Variants in TEX2 observed in about 807,000 individuals in gnomAD.
TEX2 encodes the protein testis expressed 2, also known as testis-expressed protein 2.
A neutral mutation model predicts 106.9 loss-of-function variants in TEX2; 53 were observed. The ratio of observed to expected loss-of-function variants is 0.50; its 90% CI spans 0.40 to 0.62. The LOEUF (loss-of-function observed/expected upper bound fraction) is 0.62, where lower values mean the gene tolerates loss of function less well. Ranked by LOEUF, TEX2 falls within the 20% of genes least tolerant of loss-of-function variation. The pLI is 0.00. For synonymous variants in TEX2, 523 were observed against 534.8 expected, an observed-to-expected ratio of 0.98 and a Z score of 0.30; for missense variants, 1,207 against 1,379.0, an observed-to-expected ratio of 0.88 and a Z score of 1.98.
At chr17:64,218,248 G>GA (rs1284034304) in intron 1 of TEX2, among the ~76,000 whole-genome samples, 6 of 146,306 alleles carry the variant, frequency 4.1e-5, no homozygotes, top group Admixed American at 6.8e-5. Flanking sequence ...TCTGACTCCA[G>GA]AAAAAAAAAA....
intron 1 of TEX2, among the ~76,000 whole-genome samples, chr17:64,229,116 T>C (rs1381091129): frequency 6.6e-6 from 1 of 152,194 alleles, no homozygotes; most frequent in African/African-American, 2.4e-5. Flanking sequence ...AAAAAGAAAG[T>C]CTATCTGTAG....
intron 1 of TEX2, among the ~76,000 whole-genome samples, chr17:64,250,279 T>A (rs377706308): frequency 2.0e-5 from 3 of 152,206 alleles, no homozygotes; most frequent in East Asian, 3.8e-4. Context: ...TTTCCATCAT[T>A]TTTATCAAAG....
At chr17:64,220,763 T>G (rs1417367644) in intron 1 of TEX2, among the ~76,000 whole-genome samples, 2 of 152,118 alleles carry the variant, frequency 1.3e-5, no homozygotes, top group Non-Finnish European at 2.9e-5. Context: ...GGAATATAAA[T>G]TAGTTCAACC....
At chr17:64,210,307 CAT>C (rs1362187022) in intron 2 of TEX2, among the ~76,000 whole-genome samples, 7 of 152,134 alleles carry the variant, frequency 4.6e-5, no homozygotes, top group African/African-American at 1.4e-4. Context: ...AGTGTCATAA[CAT>C]ATTGCCATGT....
chr17:64,247,276 AAAAAGAAAAAG>A (rs1362864853), intron 1 of TEX2, among the ~76,000 whole-genome samples: 1 of 151,896 alleles, frequency 6.6e-6, no homozygotes, highest in Admixed American at 6.6e-5. Flanking sequence ...CTCAAAAAAA[AAAAAGAAAAAG>A]AAAAGAAAAG....
At chr17:64,236,330 A>T (rs1189471380) in intron 1 of TEX2, among the ~76,000 whole-genome samples, 4 of 152,186 alleles carry the variant, frequency 2.6e-5, no homozygotes, top group Non-Finnish European at 5.9e-5. Context: ...TGGGAGGCTA[A>T]GGCAGGAGGA....
chr17:64,222,580 A>C (rs2033390734), intron 1 of TEX2, among the ~76,000 whole-genome samples: 1 of 151,650 alleles, frequency 6.6e-6, no homozygotes. Context: ...TAAGGCTAGG[A>C]GTTTGAGACC....
Position 64,217,757 on chromosome 17 carries a change from C to T in TEX2, c.-25-3515G>A, listed in dbSNP as rs2033227209. Reference sequence around the variant, plus strand: ...AGGCCAAAAAAGAAAGCTTCCTTCTCAACAGTCTCTTTTTCCCATAGTTCC... The same window carrying T: ...AGGCCAAAAAAGAAAGCTTCCTTCTTAACAGTCTCTTTTTCCCATAGTTCC... On this transcript the variant is annotated intron_variant, in intron 1 of 11. Transcript: ENST00000584379. The surrounding 1 kb of genome is among the most constrained non-coding windows in gnomAD (Gnocchi z 4.3). Among the ~76,000 whole-genome samples, 1 of 152,204 alleles carries T rather than the reference C, an allele frequency of 6.6e-6. No individual in the cohort carries two copies. Among genetic ancestry groups the T allele is most frequent in the African/African-American group, 2.4e-5 (1 of 41,458 alleles).
At chr17:64,240,584 A>T (rs2143399472) in intron 1 of TEX2, among the ~76,000 whole-genome samples, 1 of 152,354 alleles carries the variant, frequency 6.6e-6, no homozygotes, top group East Asian at 1.9e-4. Context: ...ACCTCAGGCA[A>T]GTGACAGAAA....
intron 1 of TEX2, among the ~76,000 whole-genome samples, chr17:64,222,518 C>CAA (rs11296538): frequency 1.1e-4 from 11 of 99,082 alleles, no homozygotes; most frequent in African/African-American, 1.9e-4. Context: ...TTCCAACTCA[C>CAA]AAAAAAAAAA....
chr17:64,218,405 CTTTTTTT>C lies in TEX2; in HGVS notation c.-25-4170_-25-4164del, dbSNP rs10526886. Among the ~76,000 whole-genome samples, 56 of 120,612 alleles carry C rather than the reference CTTTTTTT, an allele frequency of 4.6e-4. 1 individual carries two copies. Among genetic ancestry groups the C allele is most frequent in the East Asian group, 1.1e-3 (5 of 4,530 alleles). The allele number at this position is 120,612 out of a possible 152,430, so 79.1% of individuals were successfully genotyped here. On this transcript the variant is annotated intron_variant, in intron 1 of 11. Transcript: ENST00000584379. ...CCTAGTCTGGCAAAGGACACTTTCACTTTTTTTTTTTTTTTTTTTTTTTTTTTTTTAA... is the reference window on the plus strand; with the variant it reads ...CCTAGTCTGGCAAAGGACACTTTCACTTTTTTTTTTTTTTTTTTTTTTTAA...
intron 1 of TEX2, among the ~76,000 whole-genome samples, chr17:64,238,117 T>C (rs1324303001): frequency 2.0e-5 from 3 of 152,058 alleles, no homozygotes; most frequent in Non-Finnish European, 4.4e-5. Flanking sequence ...CTGGCCAACA[T>C]GGTGAAACCC....
intron 1 of TEX2, among the ~76,000 whole-genome samples, chr17:64,232,472 G>A (rs569848450): frequency 2.8e-4 from 42 of 152,212 alleles, no homozygotes; most frequent in African/African-American, 9.6e-4. Flanking sequence ...TTTATAAGGG[G>A]TTCATAATGA....
rs908878313 is a variant in TEX2, at chr17:64,195,452, C to T, written c.1645-357G>A. Among the ~76,000 whole-genome samples, 1 of 152,158 alleles carries T rather than the reference C, an allele frequency of 6.6e-6. No homozygotes were observed. The highest frequency in any genetic ancestry group is 1.5e-5 in the Non-Finnish European group (1 of 68,028). The stretch of plus-strand genomic sequence containing the variant: ...TGACCTCCTTTGGGGTGATTAATCC[C>T]ACCCAGTCTGGCCTTCTTAATTAGC... On this transcript the variant is annotated intron_variant, in intron 2 of 11. Transcript: ENST00000584379. The surrounding 1 kb of genome is among the most constrained non-coding windows in gnomAD (Gnocchi z 4.1).
intron 1 of TEX2, among the ~76,000 whole-genome samples, chr17:64,225,650 T>C (rs2033484015): frequency 1.3e-5 from 2 of 152,194 alleles, no homozygotes; most frequent in Admixed American, 1.3e-4. Flanking sequence ...AAGCCCAAGA[T>C]ATGAGAATAG....
chr17:64,166,753 C>T (rs970616428), intron 7 of TEX2, among the ~76,000 whole-genome samples: 4 of 152,052 alleles, frequency 2.6e-5, no homozygotes, highest in Non-Finnish European at 5.9e-5. Context: ...CTGTTTTTCC[C>T]ACAATGAGTA....
chr17:64,252,000 C>T (rs1598230615), intron 1 of TEX2, among the ~76,000 whole-genome samples: 1 of 152,180 alleles, frequency 6.6e-6, no homozygotes. Context: ...AGGAAGACTA[C>T]TGCACCCCTG....
chr17:64,180,108 C>T (rs545079901), intron 5 of TEX2, among the ~76,000 whole-genome samples: 1 of 152,304 alleles, frequency 6.6e-6, no homozygotes, highest in South Asian at 2.1e-4. Flanking sequence ...ATACAGACTT[C>T]TGCATAAACA....
In TEX2 at chr17:64,217,195, G is replaced by T. The variant is rs529988906; in HGVS notation, c.-25-2953C>A. Among the ~76,000 whole-genome samples, 8 of 152,276 alleles carry T rather than the reference G, an allele frequency of 5.3e-5. No homozygotes were observed. The highest frequency in any genetic ancestry group is 7.4e-5 in the Non-Finnish European group (5 of 68,022). ...GCTAGAACCAGAGACCATGGTTTGG[G>T]CTCTAGACAACCTATCAAGTGGTCA... On this transcript the variant is annotated intron_variant, in intron 1 of 11. Coordinates refer to ENST00000584379, the MANE Select transcript of TEX2 (RefSeq NM_001288732.2). The surrounding 1 kb of genome is among the most constrained non-coding windows in gnomAD (Gnocchi z 4.3).
Sources: gnomAD v4.1 joint callset for allele counts (sites outside exome capture counted in the v4.1 genomes callset) on GRCh38, gnomAD v4.1.1 for gene constraint, Gnocchi (gnomAD v3.1) non-coding constraint, MANE v1.5 for transcripts, NCBI Gene and HGNC (gene_info 2026-07-23, HGNC 2026-07-21) for gene names.